SYNRG: variants seen among roughly 807,000 people sequenced by gnomAD.
SYNRG encodes the protein synergin gamma, also known as AP1 gamma subunit binding protein 1.
Under a neutral mutation model 130.9 loss-of-function variants are expected in SYNRG, and 37 were observed. That is an observed-to-expected ratio of 0.28 (90% CI 0.22 to 0.37). The LOEUF (loss-of-function observed/expected upper bound fraction) is 0.37, where lower values mean the gene tolerates loss of function less well. Ranked by LOEUF, SYNRG falls within the 10% of genes least tolerant of loss-of-function variation. The pLI is 1.00. For missense variants in SYNRG, 1,338 were observed against 1,588.9 expected, an observed-to-expected ratio of 0.84 and a Z score of 2.68; for synonymous variants, 539 against 568.1, an observed-to-expected ratio of 0.95 and a Z score of 0.73.
rs534713710 is a variant in SYNRG at position 37,583,659 on chromosome 17, G to C, written c.589+989C>G. Among the ~76,000 whole-genome samples the C allele has an allele frequency of 2.0e-5, 3 of 152,226 alleles. No homozygotes were observed. In the South Asian group the frequency reaches 6.2e-4, roughly 32 times the overall value. On this transcript the variant is annotated intron_variant, in intron 6 of 21. Coordinates refer to ENST00000612223, the MANE Select transcript of SYNRG (RefSeq NM_007247.6). The stretch of plus-strand genomic sequence containing the variant: ...GTTCACCTATTAGGTATGTTTTCTT[G>C]GAATCAGCTGATAAAATGTCAAAAC...
chr17:37,609,362 C>T lies in SYNRG; in HGVS notation c.-7G>A, dbSNP rs749821260. ...CTCCTGGCCGCAGCGCCATCTTGCTCCCGACCTGCCGCTGCCTTCGCCGCC... is the reference window on the plus strand; with the variant it reads ...CTCCTGGCCGCAGCGCCATCTTGCTTCCGACCTGCCGCTGCCTTCGCCGCC... On this transcript the variant is annotated 5_prime_UTR_variant, in exon 1 of 22. Transcript: ENST00000612223. The T allele has an allele frequency of 3.5e-6, 5 of 1,427,500 alleles. No homozygotes were observed. The South Asian group carries it at 7.1e-5, about 20-fold the overall frequency. The allele number at this position is 1,427,500 out of a possible 1,614,324, so 88.4% of individuals were successfully genotyped here.
At chr17:37,525,127 G>A (rs567518277) in intron 19 of SYNRG, among the ~76,000 whole-genome samples, 1 of 152,256 alleles carries the variant, frequency 6.6e-6, no homozygotes, top group African/African-American at 2.4e-5. Context: ...GGTGTTTATT[G>A]TAGTGTAATA....
At chr17:37,561,643 TA>T in intron 11 of SYNRG, 54 bp from the exon 12 acceptor site, 2 of 1,302,780 alleles carry the variant, frequency 1.5e-6, no homozygotes, top group Non-Finnish European at 2.2e-6. Flanking sequence ...CTTTATCATC[TA>T]AAAGGAAGTT....
At chr17:37,602,204 G>A (rs1205949882) in intron 1 of SYNRG, among the ~76,000 whole-genome samples, 2 of 151,984 alleles carry the variant, frequency 1.3e-5, no homozygotes, top group African/African-American at 4.8e-5. Flanking sequence ...GCATGGTGGT[G>A]CATGCCTGCA....
intron 19 of SYNRG, among the ~76,000 whole-genome samples, chr17:37,521,188 G>A (rs954451822): frequency 2.0e-5 from 3 of 151,800 alleles, no homozygotes; most frequent in Non-Finnish European, 4.4e-5. Flanking sequence ...GCGCCACCAC[G>A]TCTGGTTAAT....
Position 37,586,492 on chromosome 17 carries a change from G to A in SYNRG, c.298C>T (p.Pro100Ser). Residue 100 changes from proline (P) to serine (S), a missense_variant, in exon 4 of 22, where the codon CCC (proline) becomes TCC (serine). Transcript: ENST00000612223. The part of the protein sequence containing the change: ...AAGMPYLGQA[P>S]FLGMRPPGPQ... ...CCTGGAGGACGCATGCCCAGGAAGGGTGCTTGTCCTAGGTAAGGCATTCCC... is the reference window on the plus strand; with the variant it reads ...CCTGGAGGACGCATGCCCAGGAAGGATGCTTGTCCTAGGTAAGGCATTCCC... 1.2e-6 allele frequency: 2 copies of A among 1,614,216 alleles called. No individual in the cohort carries two copies. Among genetic ancestry groups the A allele is most frequent in the Non-Finnish European group, 1.7e-6 (2 of 1,180,040 alleles).
chr17:37,556,998 G>C (rs1248932583), intron 13 of SYNRG: 2 of 152,186 alleles, frequency 1.3e-5, no homozygotes, highest in African/African-American at 2.4e-5. Flanking sequence ...GGGTGAAAGG[G>C]CTAAAAGGAA....
At chr17:37,579,113 T>G in intron 6 of SYNRG, 1 of 1,121,644 alleles carries the variant, frequency 8.9e-7, no homozygotes, top group Non-Finnish European at 1.1e-6. Flanking sequence ...ATATTTTCAT[T>G]AATAATGCTA....
Position 37,596,766 on chromosome 17 carries a change from AT to A in SYNRG, c.119-423del, listed in dbSNP as rs892475405. 4.0e-5 allele frequency among the ~76,000 whole-genome samples: 6 copies of A among 149,242 alleles called. 1 individual carries two copies. The highest frequency in any genetic ancestry group is 9.9e-5 in the African/African-American group (4 of 40,566). On this transcript the variant is annotated intron_variant, in intron 2 of 21. Coordinates refer to ENST00000612223, the MANE Select transcript of SYNRG (RefSeq NM_007247.6). Reference sequence around the variant, plus strand: ...CAGCATGTAACTTCGAAGGCTAGTTATTTTTTTTTTCTTTTGAGACAGAGTC... The same window carrying A: ...CAGCATGTAACTTCGAAGGCTAGTTATTTTTTTTTCTTTTGAGACAGAGTC...
chr17:37,550,589 A>T (rs766603479), intron 14 of SYNRG, among the ~76,000 whole-genome samples: 1 of 152,224 alleles, frequency 6.6e-6, no homozygotes, highest in Non-Finnish European at 1.5e-5. Flanking sequence ...AGAAGTCATC[A>T]GAATAAGCAT....
chr17:37,547,870 G>A (rs565144876), intron 14 of SYNRG, among the ~76,000 whole-genome samples: 1 of 152,330 alleles, frequency 6.6e-6, no homozygotes, highest in East Asian at 1.9e-4. Flanking sequence ...TACATGAAGT[G>A]AAGCACTAAC....
intron 13 of SYNRG, among the ~76,000 whole-genome samples, chr17:37,560,136 C>G (rs1391735834): frequency 2.0e-5 from 3 of 151,840 alleles, no homozygotes; most frequent in Non-Finnish European, 4.4e-5. Context: ...GTCTCAAACT[C>G]CTGGGCTCAA....
At chr17:37,530,158 CCA>C (rs1197786709) in intron 19 of SYNRG, among the ~76,000 whole-genome samples, 2 of 152,102 alleles carry the variant, frequency 1.3e-5, no homozygotes, top group African/African-American at 4.8e-5. Flanking sequence ...CTGGTTTTAC[CCA>C]CCCAACCTGT....
At chr17:37,520,673 G>GT (rs770590985) in intron 19 of SYNRG, 25 bp from the exon 20 acceptor site, 1 of 1,596,666 alleles carries the variant, frequency 6.3e-7, no homozygotes, top group Non-Finnish European at 8.6e-7. Flanking sequence ...AGACAAATGG[G>GT]TAAGAAGTCC....
rs369823218 is a variant in SYNRG, at chr17:37,522,701, C to T, written c.3667-2053G>A. ...TGTAGCCCAGGCTGGAGTGCAGTGG[C>T]GCAATCTCGGCTCACTGCAAGCTCC... is the stretch of plus-strand genomic sequence containing the variant. On this transcript the variant is annotated intron_variant, in intron 19 of 21. Coordinates refer to ENST00000612223, the MANE Select transcript of SYNRG (RefSeq NM_007247.6). Among the ~76,000 whole-genome samples the T allele has an allele frequency of 3.2e-3, 467 of 144,948 alleles. 6 individuals are homozygous for T. The highest frequency in any genetic ancestry group is 0.011 in the African/African-American group (427 of 38,646).
rs369905652 is a variant in SYNRG, at chr17:37,542,492, A to G, written c.2682T>C (p.Tyr894=). 147 of 1,613,614 alleles carry G rather than the reference A, an allele frequency of 9.1e-5. No homozygotes were observed. Among genetic ancestry groups the G allele is most frequent in the Non-Finnish European group, 1.2e-4 (142 of 1,180,042 alleles). ...SNFAVSTLTS[Y]DWSDRDDATQ... is the part of the protein sequence containing the mutation. ...TTGCATCATCCCTGTCTGACCAGTC[A>G]TAGCTTGTAAGTGTGCTCACTGCAA... Residue 894 remains tyrosine (Y), a synonymous_variant, in exon 15 of 22, where the codon TAT becomes TAC. Coordinates refer to ENST00000612223, the MANE Select transcript of SYNRG (RefSeq NM_007247.6).
intron 19 of SYNRG, among the ~76,000 whole-genome samples, chr17:37,523,752 G>A (rs116966690): frequency 2.6e-5 from 4 of 152,150 alleles, no homozygotes; most frequent in Non-Finnish European, 4.4e-5. Context: ...GGGTCAAGGT[G>A]GGGGGAGAAG....
intron 1 of SYNRG, among the ~76,000 whole-genome samples, chr17:37,606,207 T>C (rs2063733882): frequency 6.6e-6 from 1 of 152,202 alleles, no homozygotes; most frequent in Non-Finnish European, 1.5e-5. Context: ...GTACATCGTT[T>C]CCTTAGTGTT....
chr17:37,539,731 G>A (rs2057559088), intron 16 of SYNRG, among the ~76,000 whole-genome samples: 2 of 152,172 alleles, frequency 1.3e-5, no homozygotes, highest in Non-Finnish European at 1.5e-5. Flanking sequence ...TGTAACTTCT[G>A]AGCACAGGAC....
Sources: allele counts gnomAD v4.1 joint callset (sites outside exome capture counted in the v4.1 genomes callset), GRCh38; gene constraint gnomAD v4.1.1; transcripts MANE v1.5; gene names NCBI Gene and HGNC (gene_info 2026-07-23, HGNC 2026-07-21).